KIF16B: variants seen among roughly 807,000 people sequenced by gnomAD.
The protein encoded by KIF16B is kinesin family member 16B, also known as kinesin-like protein KIF16B.
In KIF16B, 98 loss-of-function variants were observed where a neutral mutation model predicts 156.3. The observed-to-expected ratio is 0.63, with a 90% CI of 0.53 to 0.74. The LOEUF (loss-of-function observed/expected upper bound fraction) is 0.74, where lower values mean the gene tolerates loss of function less well. Ranked by LOEUF, KIF16B falls within the 30% of genes least tolerant of loss-of-function variation. The pLI is 0.00. For missense variants in KIF16B, 1,421 were observed against 1,606.5 expected (o/e 0.88, Z 1.97); for synonymous variants, 564 against 583.7 (o/e 0.97, Z 0.49).
At chr20:16,500,605 T>C (rs1322963568) in intron 10 of KIF16B, among the ~76,000 whole-genome samples, 1 of 152,196 alleles carries the variant, frequency 6.6e-6, no homozygotes, top group African/African-American at 2.4e-5. Context: ...AAAGTTGATA[T>C]CATGTCTGAT....
chr20:16,472,904 AC>A (rs2067704622), intron 12 of KIF16B, among the ~76,000 whole-genome samples: 1 of 152,218 alleles, frequency 6.6e-6, no homozygotes. Flanking sequence ...AACCTTAGAA[AC>A]TAGCCATGAG....
intron 12 of KIF16B, among the ~76,000 whole-genome samples, chr20:16,468,511 G>A (rs781022172): frequency 5.9e-5 from 8 of 134,558 alleles, no homozygotes; most frequent in Non-Finnish European, 1.1e-4. Context: ...TGGGGGAGGA[G>A]ATTGCAGTGA....
At chr20:16,391,479 A>T (rs1056615777) in intron 17 of KIF16B, among the ~76,000 whole-genome samples, 1 of 152,214 alleles carries the variant, frequency 6.6e-6, no homozygotes, top group African/African-American at 2.4e-5. Flanking sequence ...GGGTTGAGCT[A>T]ACTAATACAT....
intron 12 of KIF16B, among the ~76,000 whole-genome samples, chr20:16,443,535 G>A (rs926925198): frequency 1.6e-4 from 24 of 152,134 alleles, no homozygotes; most frequent in African/African-American, 2.4e-5. Flanking sequence ...CTCCAAAGGG[G>A]TCCCCAAACC....
intron 25 of KIF16B, among the ~76,000 whole-genome samples, chr20:16,290,374 AGAAT>A (rs2063297121): frequency 6.6e-6 from 1 of 152,208 alleles, no homozygotes; most frequent in Admixed American, 6.5e-5. Flanking sequence ...GTGGCTGAAC[AGAAT>A]GAGCTATGCC....
intron 23 of KIF16B, among the ~76,000 whole-genome samples, chr20:16,352,095 G>T (rs2064349500): frequency 6.6e-6 from 1 of 152,230 alleles, no homozygotes; most frequent in Non-Finnish European, 1.5e-5. Flanking sequence ...GGGCAGATCA[G>T]TGCTTGCCTT....
At chr20:16,452,766 C>T (rs1225807837) in intron 12 of KIF16B, among the ~76,000 whole-genome samples, 3 of 150,012 alleles carry the variant, frequency 2.0e-5, no homozygotes, top group Non-Finnish European at 4.4e-5. Flanking sequence ...ACCTGGGAGG[C>T]GAAGCTTGCA....
At chr20:16,377,412 A>AAAATAAATAAATAAATAAATAAATAAAT (rs377190523) in intron 19 of KIF16B, among the ~76,000 whole-genome samples, 4 of 151,242 alleles carry the variant, frequency 2.6e-5, no homozygotes, top group African/African-American at 9.8e-5. Flanking sequence ...TAAAATACAT[A>AAAATAAATAAATAAATAAATAAATAAAT]AAATAAATAA....
intron 25 of KIF16B, among the ~76,000 whole-genome samples, chr20:16,277,331 C>A (rs1414467012): frequency 6.6e-6 from 1 of 152,090 alleles, no homozygotes; most frequent in Admixed American, 6.6e-5. Flanking sequence ...AAATCTACTT[C>A]CCAATATTAC....
chr20:16,535,038 T>A (rs2069903787), intron 1 of KIF16B, among the ~76,000 whole-genome samples: 1 of 152,026 alleles, frequency 6.6e-6, no homozygotes, highest in African/African-American at 2.4e-5. Flanking sequence ...TGAAAAACAA[T>A]GTTGGTATTT....
At chr20:16,411,695 T>G (rs2146315092) in intron 15 of KIF16B, among the ~76,000 whole-genome samples, 1 of 152,154 alleles carries the variant, frequency 6.6e-6, no homozygotes, top group South Asian at 2.1e-4. Flanking sequence ...TTGTCCTTTG[T>G]GGGCATACTC....
At chr20:16,325,741 A>G (rs1601573326) in intron 24 of KIF16B, among the ~76,000 whole-genome samples, 1 of 152,064 alleles carries the variant, frequency 6.6e-6, no homozygotes, top group Non-Finnish European at 1.5e-5. Flanking sequence ...TACAAATTCA[A>G]TGCAATTCCC....
chr20:16,336,871 T>G (rs1477793386), intron 23 of KIF16B, among the ~76,000 whole-genome samples: 1 of 152,164 alleles, frequency 6.6e-6, no homozygotes, highest in Non-Finnish European at 1.5e-5. Flanking sequence ...CTTCCATCCT[T>G]TGCCATCAGC....
Position 16,291,354 on chromosome 20 carries a change from C to CAA in KIF16B, c.3796-17945_3796-17944dup, listed in dbSNP as rs139063801. 6.7e-3 allele frequency among the ~76,000 whole-genome samples: 1,024 copies of CAA among 152,220 alleles called. 12 individuals are homozygous for CAA. Among genetic ancestry groups the CAA allele is most frequent in the African/African-American group, 0.024 (983 of 41,538 alleles). Reference sequence around the variant, plus strand: ...TTAAGGTCTGAGAAGTTGCTGTAGACAAAAAATGAAGAATGGTGTTGATTA... The same window carrying CAA: ...TTAAGGTCTGAGAAGTTGCTGTAGACAAAAAAAATGAAGAATGGTGTTGATTA... On this transcript the variant is annotated intron_variant, in intron 25 of 25. Transcript: ENST00000354981.
At chr20:16,550,849 T>C (rs2070622510) in intron 1 of KIF16B, among the ~76,000 whole-genome samples, 1 of 152,042 alleles carries the variant, frequency 6.6e-6, no homozygotes, top group Non-Finnish European at 1.5e-5. Flanking sequence ...CATTCTAAAC[T>C]AGAAGTTTTA....
intron 23 of KIF16B, among the ~76,000 whole-genome samples, chr20:16,339,572 T>C (rs1052583112): frequency 3.3e-5 from 5 of 152,202 alleles, no homozygotes; most frequent in African/African-American, 1.2e-4. Flanking sequence ...CAAGCTGGCC[T>C]ACTCAGATGT....
At chr20:16,558,168 G>A (rs1173872550) in intron 1 of KIF16B, among the ~76,000 whole-genome samples, 1 of 152,264 alleles carries the variant, frequency 6.6e-6, no homozygotes, top group Non-Finnish European at 1.5e-5. Context: ...ACCTCCAGCA[G>A]ACGAGTGGCA....
At chr20:16,424,319 A>G (rs918952114) in intron 15 of KIF16B, among the ~76,000 whole-genome samples, 1 of 152,128 alleles carries the variant, frequency 6.6e-6, no homozygotes, top group Non-Finnish European at 1.5e-5. Context: ...GCTCCATCGC[A>G]GCTGATGTTA....
At chr20:16,382,492 A>C (rs2065121706) in intron 17 of KIF16B, among the ~76,000 whole-genome samples, 1 of 152,204 alleles carries the variant, frequency 6.6e-6, no homozygotes. Context: ...TGCTGTAATT[A>C]ATGGTTATAC....
Sources: allele counts gnomAD v4.1 joint callset (sites outside exome capture counted in the v4.1 genomes callset), GRCh38; gene constraint gnomAD v4.1.1; transcripts MANE v1.5; gene names NCBI Gene and HGNC (gene_info 2026-07-23, HGNC 2026-07-21).